UGGT2: variants seen among roughly 807,000 people sequenced by gnomAD.
UGGT2 encodes the protein UDP-glucose:glycoprotein glucosyltransferase 2.
Under a neutral mutation model 192.1 loss-of-function variants are expected in UGGT2, and 180 were observed. The ratio of observed to expected loss-of-function variants is 0.94; its 90% confidence interval spans 0.83 to 1.06. The LOEUF (loss-of-function observed/expected upper bound fraction) is 1.06. UGGT2 is among the 50% of genes least tolerant of loss of function. The probability of loss-of-function intolerance (pLI) is 0.00; values close to 1 mark genes in which losing one functional copy is unlikely to be tolerated. For synonymous variants in UGGT2, 580 were observed against 591.0 expected, an observed-to-expected ratio of 0.98 and a Z score of 0.27; for missense variants, 1,849 against 1,795.7, an observed-to-expected ratio of 1.03 and a Z score of -0.54.
chr13:96,001,972 C>T (rs1227914753), intron 5 of UGGT2, among the ~76,000 whole-genome samples: 6 of 152,160 alleles, frequency 3.9e-5, no homozygotes, highest in Non-Finnish European at 7.4e-5. Flanking sequence ...CAGAATAATA[C>T]ATGTGACATG....
intron 1 of UGGT2, among the ~76,000 whole-genome samples, chr13:96,034,694 G>A (rs1455124816): frequency 6.6e-6 from 1 of 152,196 alleles, no homozygotes; most frequent in African/African-American, 2.4e-5. Flanking sequence ...TTCCACCACA[G>A]TGCCTGCAGT....
intron 12 of UGGT2, among the ~76,000 whole-genome samples, chr13:95,967,464 C>T (rs944469210): frequency 2.5e-4 from 32 of 128,232 alleles, no homozygotes; most frequent in Middle Eastern, 4.0e-3. Flanking sequence ...CACGCGCACC[C>T]CCAACTTTTT....
chr13:95,807,478 T>C (rs1048274658), intron 38 of UGGT2, among the ~76,000 whole-genome samples: 3 of 152,172 alleles, frequency 2.0e-5, no homozygotes, highest in South Asian at 2.1e-4. Flanking sequence ...CTCCATATCA[T>C]AGAGGGATCC....
In UGGT2 at chr13:95,900,180, G is replaced by A. The variant is rs2048062534; in HGVS notation, c.2634+627C>T. Among the ~76,000 whole-genome samples, 3 of 151,916 alleles carry A rather than the reference G, an allele frequency of 2.0e-5. No individual in the cohort carries two copies. The South Asian group carries it at 6.2e-4, about 31-fold the overall frequency. ...ACATTTATATTAACAGAAAAATCAT[G>A]ATGTAAAATTATATATAGTAGGATT... On this transcript the variant is annotated intron_variant, in intron 22 of 38. Coordinates refer to ENST00000376747, the MANE Select transcript of UGGT2 (RefSeq NM_020121.4).
chr13:96,044,030 A>C (rs528344413), intron 1 of UGGT2, among the ~76,000 whole-genome samples: 10 of 152,332 alleles, frequency 6.6e-5, no homozygotes, highest in African/African-American at 1.7e-4. Context: ...AGATATTTAC[A>C]GAACATTCTA....
At chr13:95,808,338 T>C (rs993008053) in intron 38 of UGGT2, among the ~76,000 whole-genome samples, 2 of 152,158 alleles carry the variant, frequency 1.3e-5, no homozygotes, top group East Asian at 3.8e-4. Context: ...TATAAAATAA[T>C]AGAGATAGCC....
chr13:95,843,914 T>C (rs1470824805), intron 36 of UGGT2, among the ~76,000 whole-genome samples: 1 of 152,114 alleles, frequency 6.6e-6, no homozygotes, highest in South Asian at 2.1e-4. Context: ...CCTTTAACTT[T>C]CTTATTTTTC....
At chr13:95,955,418 G>GA (rs1374571612) in intron 12 of UGGT2, among the ~76,000 whole-genome samples, 2 of 152,176 alleles carry the variant, frequency 1.3e-5, no homozygotes, top group Non-Finnish European at 2.9e-5. Flanking sequence ...GCAAGCTTAA[G>GA]AATCTAGATA....
intron 20 of UGGT2, among the ~76,000 whole-genome samples, chr13:95,919,655 A>G (rs1186561945): frequency 6.6e-6 from 1 of 152,224 alleles, no homozygotes; most frequent in African/African-American, 2.4e-5. Flanking sequence ...AGGGAAGTAT[A>G]GAATCTCTTC....
intron 36 of UGGT2, among the ~76,000 whole-genome samples, chr13:95,847,274 G>A (rs1038359983): frequency 3.3e-5 from 5 of 151,998 alleles, no homozygotes; most frequent in African/African-American, 9.7e-5. Context: ...AAAGTGATAT[G>A]TTTGTTGCAA....
intron 38 of UGGT2, among the ~76,000 whole-genome samples, chr13:95,807,359 C>G (rs115056273): frequency 0.013 from 1,955 of 152,158 alleles, 40 homozygotes; most frequent in African/African-American, 0.045. Context: ...GGGGAGGCAG[C>G]AGAGGCAGGC....
At chr13:95,859,896 A>C in intron 32 of UGGT2, 1 of 374,124 alleles carries the variant, frequency 2.7e-6, no homozygotes, top group Non-Finnish European at 4.8e-6. Flanking sequence ...ATGAAATGTG[A>C]AGAAATAAAC....
At chr13:95,874,285 G>A (rs942672669) in intron 29 of UGGT2, among the ~76,000 whole-genome samples, 3 of 152,092 alleles carry the variant, frequency 2.0e-5, no homozygotes, top group African/African-American at 7.2e-5. Flanking sequence ...GGATAGTACC[G>A]AACCCTAAAT....
intron 34 of UGGT2, among the ~76,000 whole-genome samples, chr13:95,855,755 T>C (rs1156523230): frequency 6.6e-6 from 1 of 152,156 alleles, no homozygotes; most frequent in Non-Finnish European, 1.5e-5. Flanking sequence ...AAGAATGCTG[T>C]TGAAGGTGGA....
chr13:96,006,223 T>C (rs911909311), intron 5 of UGGT2, among the ~76,000 whole-genome samples: 1 of 152,182 alleles, frequency 6.6e-6, no homozygotes, highest in African/African-American at 2.4e-5. Context: ...ATCACACATA[T>C]TAAAACTGTA....
intron 36 of UGGT2, among the ~76,000 whole-genome samples, chr13:95,840,111 A>G (rs995136071): frequency 2.0e-5 from 3 of 152,190 alleles, no homozygotes; most frequent in Admixed American, 2.0e-4. Context: ...AACCTAGGCA[A>G]TACCATTCAG....
At chr13:95,851,172 C>T (rs1037189574) in intron 36 of UGGT2, among the ~76,000 whole-genome samples, 4 of 152,210 alleles carry the variant, frequency 2.6e-5, no homozygotes, top group African/African-American at 9.7e-5. Flanking sequence ...CCTGAGTAAT[C>T]CAACCTGTAA....
chr13:95,888,004 A>T, intron 25 of UGGT2, 33 bp from the exon 26 acceptor site: 3 of 1,339,442 alleles, frequency 2.2e-6, no homozygotes, highest in Non-Finnish European at 3.2e-6. Context: ...TTTGATATTA[A>T]ATAATATTAA....
rs543409328 is a variant in UGGT2 at position 96,021,222 on chromosome 13, T to G, written c.485+1818A>C. On this transcript the variant is annotated intron_variant, in intron 4 of 38. Transcript: ENST00000376747. ...GTGGTCAGGACCTTGCATTTTTTGC[T>G]GGTCAGACCAAGAAAGAACATGCAA... 1.2e-4 allele frequency among the ~76,000 whole-genome samples: 18 copies of G among 152,334 alleles called. No individual in the cohort carries two copies. The East Asian group carries it at 3.1e-3, about 26-fold the overall frequency.
Sources: allele counts gnomAD v4.1 joint callset (sites outside exome capture counted in the v4.1 genomes callset), GRCh38; gene constraint gnomAD v4.1.1; transcripts MANE v1.5; gene names NCBI Gene and HGNC (gene_info 2026-07-23, HGNC 2026-07-21).